PCNX1: variants seen among roughly 807,000 people sequenced by gnomAD.
PCNX1 encodes pecanex-like protein 1.
A neutral mutation model predicts 242.2 loss-of-function variants in PCNX1; 78 were observed. The observed-to-expected ratio is 0.32, with a 90% confidence interval of 0.27 to 0.39. The LOEUF (loss-of-function observed/expected upper bound fraction) is 0.39. Among genes scored for constraint, PCNX1 ranks in the 10% least tolerant of loss-of-function variants. The probability of loss-of-function intolerance (pLI) is 1.00; values close to 1 mark genes in which losing one functional copy is unlikely to be tolerated. For missense variants in PCNX1, 2,581 were observed against 2,856.5 expected, an observed-to-expected ratio of 0.90 and a Z score of 2.20; for synonymous variants, 1,024 against 1,032.9, an observed-to-expected ratio of 0.99 and a Z score of 0.17.
intron 13 of PCNX1, among the ~76,000 whole-genome samples, chr14:71,024,276 T>C (rs771765612): frequency 1.6e-4 from 24 of 152,314 alleles, no homozygotes; most frequent in East Asian, 7.7e-4. Context: ...AACATTAACA[T>C]TGGTACAATG....
chr14:71,033,408 G>T (rs1280830400), intron 16 of PCNX1, 21 bp from the exon 17 acceptor site: 1 of 1,227,640 alleles, frequency 8.1e-7, no homozygotes, highest in Admixed American at 1.7e-5. Context: ...ATATTATTCT[G>T]TTAAATTCAT....
chr14:71,016,686 G>A (rs550992054), intron 11 of PCNX1, among the ~76,000 whole-genome samples: 2 of 152,128 alleles, frequency 1.3e-5, no homozygotes, highest in African/African-American at 4.8e-5. Flanking sequence ...AAATGAAAGT[G>A]AAAACACACC....
intron 8 of PCNX1, among the ~76,000 whole-genome samples, chr14:70,998,095 G>A (rs1402083181): frequency 6.6e-6 from 1 of 151,920 alleles, no homozygotes; most frequent in African/African-American, 2.4e-5. Context: ...GCATATGTTT[G>A]TGTATGTACA....
At position 70,978,174 on chromosome 14, in the gene PCNX1, A is replaced by C. The variant is rs761481187; in HGVS notation, c.1837A>C (p.Ser613Arg). 6.2e-7 allele frequency: 1 copy of C among 1,614,022 alleles called. No homozygotes were observed. Among genetic ancestry groups the C allele is most frequent in the African/African-American group, 1.3e-5 (1 of 74,904 alleles). The change falls in exon 6 of 36, where the codon AGT (serine) becomes CGT (arginine). Residue 613 changes from serine to arginine, a missense_variant. Around this residue, in one of 9 missense-constraint regions of PCNX1, gnomAD observed 1,204 missense variants for 1,216.7 expected, o/e 0.99. Transcript: ENST00000304743. ...TCAGAGTGACTTGAGTAGAGCATCAAGTGTTCAGTCTGCTCACCAGTTCAG... is the reference window on the plus strand; with the variant it reads ...TCAGAGTGACTTGAGTAGAGCATCACGTGTTCAGTCTGCTCACCAGTTCAG... Reference protein sequence around the residue: ...SDQSDLSRASSVQSAHQFSSD... With the variant: ...SDQSDLSRASRVQSAHQFSSD...
chr14:71,050,393 G>T (rs1448308152), intron 22 of PCNX1, among the ~76,000 whole-genome samples: 1 of 151,948 alleles, frequency 6.6e-6, no homozygotes, highest in Non-Finnish European at 1.5e-5. Context: ...AGAAGGCATA[G>T]AATTTTTTTT....
intron 6 of PCNX1, among the ~76,000 whole-genome samples, chr14:70,982,457 T>G (rs1051395340): frequency 2.6e-5 from 4 of 152,160 alleles, no homozygotes; most frequent in Admixed American, 1.3e-4. Flanking sequence ...GACTATCATT[T>G]TAATAGTGTT....
At chr14:71,086,762 G>A (rs1474558686) in intron 28 of PCNX1, among the ~76,000 whole-genome samples, 2 of 152,166 alleles carry the variant, frequency 1.3e-5, no homozygotes, top group Non-Finnish European at 2.9e-5. Flanking sequence ...TGGCTCAGAG[G>A]CCTCTGTCTC....
chr14:71,091,699 AAC>A (rs1223498736), intron 30 of PCNX1, among the ~76,000 whole-genome samples: 1 of 152,242 alleles, frequency 6.6e-6, no homozygotes, highest in Non-Finnish European at 1.5e-5. Flanking sequence ...AACTTACAAA[AAC>A]ACAGACTATA....
intron 26 of PCNX1, among the ~76,000 whole-genome samples, chr14:71,058,927 C>A (rs2061252968): frequency 6.6e-6 from 1 of 152,168 alleles, no homozygotes; most frequent in African/African-American, 2.4e-5. Flanking sequence ...AGTCTTAACC[C>A]CAGGCTGTTC....
At chr14:71,078,059 C>G (rs1376908824) in intron 28 of PCNX1, among the ~76,000 whole-genome samples, 1 of 152,182 alleles carries the variant, frequency 6.6e-6, no homozygotes, top group Non-Finnish European at 1.5e-5. Flanking sequence ...ATCATATATT[C>G]AAAAGGTTTA....
At chr14:70,938,067 C>A (rs1216774293) in intron 1 of PCNX1, among the ~76,000 whole-genome samples, 1 of 152,174 alleles carries the variant, frequency 6.6e-6, no homozygotes. Context: ...ACAATCATGT[C>A]ATCTGCAAAC....
intron 6 of PCNX1, among the ~76,000 whole-genome samples, chr14:70,983,308 AT>A (rs568129037): frequency 1.7e-4 from 25 of 148,966 alleles, no homozygotes; most frequent in East Asian, 3.9e-4. Flanking sequence ...TCAGCTAATA[AT>A]TTTTTTTTTT....
chr14:71,066,984 T>A (rs2061463200), intron 26 of PCNX1, among the ~76,000 whole-genome samples: 1 of 152,208 alleles, frequency 6.6e-6, no homozygotes, highest in Non-Finnish European at 1.5e-5. Flanking sequence ...GAATAAGCTT[T>A]TTGATGTGCT....
At chr14:71,074,970 A>G (rs961755885) in intron 27 of PCNX1, among the ~76,000 whole-genome samples, 3 of 144,678 alleles carry the variant, frequency 2.1e-5, no homozygotes, top group Non-Finnish European at 4.6e-5. Flanking sequence ...AATTTTTCAC[A>G]TCGTTTTTTC....
At chr14:71,065,454 T>C (rs1181596379) in intron 26 of PCNX1, among the ~76,000 whole-genome samples, 2 of 152,240 alleles carry the variant, frequency 1.3e-5, no homozygotes, top group South Asian at 2.1e-4. Context: ...TTGCCCATTT[T>C]TCGATGGGGT....
intron 1 of PCNX1, among the ~76,000 whole-genome samples, chr14:70,912,273 T>C (rs1423596823): frequency 6.6e-6 from 1 of 151,892 alleles, no homozygotes; most frequent in African/African-American, 2.4e-5. Context: ...AACGTTAAAA[T>C]TTATTACGTA....
chr14:71,099,407 C>T (rs1449576286), intron 30 of PCNX1, among the ~76,000 whole-genome samples: 1 of 152,206 alleles, frequency 6.6e-6, no homozygotes, highest in Non-Finnish European at 1.5e-5. Flanking sequence ...ATCCACCTGC[C>T]TTGGCTTCCC....
intron 15 of PCNX1, among the ~76,000 whole-genome samples, chr14:71,027,359 G>T (rs1435718101): frequency 6.6e-6 from 1 of 151,790 alleles, no homozygotes; most frequent in African/African-American, 2.4e-5. Flanking sequence ...TAATAAATAA[G>T]TTTTTAAGAA....
At chr14:71,041,434 G>C (rs186885650) in intron 19 of PCNX1, among the ~76,000 whole-genome samples, 2 of 152,176 alleles carry the variant, frequency 1.3e-5, no homozygotes, top group South Asian at 4.1e-4. Flanking sequence ...TTGTTAGGTT[G>C]TATGTGTCTA....
Sources: allele counts gnomAD v4.1 joint callset (sites outside exome capture counted in the v4.1 genomes callset), GRCh38; gene constraint gnomAD v4.1.1; regional missense constraint gnomAD v4.1.1; transcripts MANE v1.5; gene names NCBI Gene and HGNC (gene_info 2026-07-23, HGNC 2026-07-21).